Variants in PPARG observed in about 807,000 individuals in gnomAD.
The protein encoded by PPARG is peroxisome proliferator-activated receptor gamma.
PPARG carries 17 observed loss-of-function variants against 39.2 expected under a neutral mutation model. The observed-to-expected ratio is 0.43, with a 90% CI of 0.30 to 0.65. The LOEUF is 0.65. PPARG is among the 30% of genes least tolerant of loss of function. The pLI, the probability that PPARG is intolerant of heterozygous loss-of-function variation, is 0.13. For synonymous variants in PPARG, 223 were observed against 215.7 expected (o/e 1.03, Z -0.30); for missense variants, 406 against 585.9 (o/e 0.69, Z 3.17).
At chr3:12,313,466 C>T (rs958428844) in intron 2 of PPARG, among the ~76,000 whole-genome samples, 1 of 152,072 alleles carries the variant, frequency 6.6e-6, no homozygotes, top group Non-Finnish European at 1.5e-5. Context: ...AAATAAAATA[C>T]TCTTGGAGCA....
intron 2 of PPARG, among the ~76,000 whole-genome samples, chr3:12,319,886 T>C (rs10865711): frequency 0.25 from 38,280 of 151,920 alleles, 4,937 homozygotes; most frequent in East Asian, 0.33. Flanking sequence ...ATATAAAGGG[T>C]TTAGAAATAA....
At chr3:12,356,889 C>G (rs2048682670) in intron 2 of PPARG, among the ~76,000 whole-genome samples, 1 of 152,160 alleles carries the variant, frequency 6.6e-6, no homozygotes, top group Non-Finnish European at 1.5e-5. Flanking sequence ...CCTAATTCTT[C>G]CATCTTTTCA....
At chr3:12,381,631 G>A (rs2049665979) in intron 4 of PPARG, 140 bp downstream of exon 4, 2 of 843,942 alleles carry the variant, frequency 2.4e-6, no homozygotes, top group Non-Finnish European at 3.8e-6. Context: ...AGACCAGAGT[G>A]CAGTGGTGCT....
intron 2 of PPARG, among the ~76,000 whole-genome samples, chr3:12,373,397 A>G (rs1052584269): frequency 3.3e-5 from 5 of 152,188 alleles, no homozygotes; most frequent in Admixed American, 2.0e-4. Flanking sequence ...ACTTAGAAAA[A>G]TAAGAAAACC....
Position 12,379,948 on chromosome 3 carries a change from C to A in PPARG, c.220+17C>A. 1 of 1,563,622 alleles carries A rather than the reference C, an allele frequency of 6.4e-7. No homozygotes were observed. The highest frequency in any genetic ancestry group is 8.8e-7 in the Non-Finnish European group (1 of 1,134,232). Reference sequence around the variant, plus strand: ...AGTACCAAAGTATGATGTTTATTTTCACTTTTCAGACTACTAGGACTAGAA... The same window carrying A: ...AGTACCAAAGTATGATGTTTATTTTAACTTTTCAGACTACTAGGACTAGAA... On this transcript the variant is annotated intron_variant, in intron 3 of 7. Transcript: ENST00000651735.
chr3:12,338,891 C>G lies in PPARG; in HGVS notation c.-9+26438C>G, dbSNP rs566699801. 1.1e-4 allele frequency among the ~76,000 whole-genome samples: 16 copies of G among 152,288 alleles called. No homozygotes were observed. In the South Asian group the frequency reaches 3.3e-3, roughly 32 times the overall value. ...GAAATCACAGGTAGAAACTGTGGCA[C>G]TGAAACTGCTTGTCTGTATTCAGTT... On this transcript the variant is annotated intron_variant, in intron 2 of 7. Transcript: ENST00000651735.
At chr3:12,311,283 T>C (rs1325764806) in intron 1 of PPARG, among the ~76,000 whole-genome samples, 1 of 152,004 alleles carries the variant, frequency 6.6e-6, no homozygotes. Context: ...TTTCTGTTTT[T>C]TGTAGAGACA....
chr3:12,296,376 T>C (rs2972165), intron 1 of PPARG, among the ~76,000 whole-genome samples: 135,566 of 152,034 alleles, frequency 0.89, 60,785 homozygotes, highest in African/African-American at 0.97. Context: ...TTCTTGGACC[T>C]CATCCCAGAC....
chr3:12,351,734 T>C, intron 2 of PPARG: 1 of 1,346,568 alleles, frequency 7.4e-7, no homozygotes, highest in Non-Finnish European at 1.1e-6. Flanking sequence ...AAGGGTAAAA[T>C]TGCTCTTGTA....
intron 2 of PPARG, chr3:12,351,525 A>G: frequency 8.2e-7 from 1 of 1,212,748 alleles, no homozygotes; most frequent in South Asian, 1.2e-5. Flanking sequence ...CTTTTAACGG[A>G]TTGATCTTTT....
chr3:12,422,881 CA>C (rs11287877), intron 7 of PPARG, among the ~76,000 whole-genome samples: 85,967 of 140,820 alleles, frequency 0.61, 26,251 homozygotes, highest in African/African-American at 0.79. Flanking sequence ...GATCCTGTCT[CA>C]AAAAAAAAAA....
chr3:12,301,625 T>A (rs1488076993), intron 1 of PPARG: 1 of 152,112 alleles, frequency 6.6e-6, no homozygotes, highest in African/African-American at 2.4e-5. Context: ...ACAACCAGTC[T>A]TCTTGGTAGG....
chr3:12,396,670 A>T (rs1249711264), intron 5 of PPARG, among the ~76,000 whole-genome samples: 1 of 151,172 alleles, frequency 6.6e-6, no homozygotes, highest in Non-Finnish European at 1.5e-5. Context: ...GAGTGGGAAG[A>T]TCGCTTTAGC....
chr3:12,312,655 G>A (rs192359938), intron 2 of PPARG, among the ~76,000 whole-genome samples: 13 of 152,154 alleles, frequency 8.5e-5, no homozygotes, highest in Admixed American at 6.5e-4. Flanking sequence ...AGGTAAGATA[G>A]GAAAATGACC....
intron 2 of PPARG, among the ~76,000 whole-genome samples, chr3:12,334,939 C>T (rs973899014): frequency 7.2e-5 from 11 of 152,088 alleles, no homozygotes; most frequent in Non-Finnish European, 1.2e-4. Flanking sequence ...CTTACGACTA[C>T]GGATTTAAGT....
At chr3:12,349,324 A>G (rs1281071643) in intron 2 of PPARG, among the ~76,000 whole-genome samples, 7 of 152,238 alleles carry the variant, frequency 4.6e-5, no homozygotes, top group African/African-American at 1.7e-4. Context: ...TGGCTCATCT[A>G]TCTTTATTTT....
At chr3:12,413,612 C>T (rs1374311778) in intron 6 of PPARG, among the ~76,000 whole-genome samples, 2 of 151,708 alleles carry the variant, frequency 1.3e-5, no homozygotes, top group African/African-American at 4.8e-5. Context: ...AGTTCAAGAC[C>T]AGCCTGGCCA....
At chr3:12,405,826 G>T in intron 5 of PPARG, 56 bp from the exon 6 acceptor site, 1 of 1,548,598 alleles carries the variant, frequency 6.5e-7, no homozygotes, top group Non-Finnish European at 8.9e-7. Context: ...AGCACAGTGT[G>T]TGTTCAGAGC....
intron 5 of PPARG, among the ~76,000 whole-genome samples, chr3:12,402,656 T>C (rs1332019535): frequency 6.6e-6 from 1 of 152,156 alleles, no homozygotes; most frequent in African/African-American, 2.4e-5. Flanking sequence ...CCCCAGGTTT[T>C]TTATATACTC....
Sources: allele counts gnomAD v4.1 joint callset (sites outside exome capture counted in the v4.1 genomes callset), GRCh38; gene constraint gnomAD v4.1.1; transcripts MANE v1.5; gene names NCBI Gene and HGNC (gene_info 2026-07-23, HGNC 2026-07-21).